TPX2: variants seen among roughly 807,000 people sequenced by gnomAD.
TPX2 encodes TPX2 microtubule nucleation factor.
TPX2 carries 21 observed loss-of-function variants against 93.6 expected under a neutral mutation model. That is an observed-to-expected ratio of 0.22 (90% CI 0.16 to 0.32). TPX2 has a LOEUF of 0.32. Among genes scored for constraint, TPX2 ranks in the 10% least tolerant of loss-of-function variants. TPX2 has a pLI of 1.00. For synonymous variants in TPX2, 281 were observed against 298.3 expected, an observed-to-expected ratio of 0.94 and a Z score of 0.60; for missense variants, 776 against 871.1, an observed-to-expected ratio of 0.89 and a Z score of 1.37.
At chr20:31,751,881 T>TA (rs2061822361) in intron 2 of TPX2, among the ~76,000 whole-genome samples, 2 of 152,158 alleles carry the variant, frequency 1.3e-5, no homozygotes, top group Non-Finnish European at 2.9e-5. Context: ...TAGCTGGGAT[T>TA]ACAGGCACCT....
chr20:31,794,071 C>A, intron 14 of TPX2, 47 bp downstream of exon 14: 1 of 1,514,792 alleles, frequency 6.6e-7, no homozygotes, highest in Non-Finnish European at 8.9e-7. Context: ...TTCTTTGATC[C>A]CTCAAAGACA....
chr20:31,791,664 G>C (rs914934395), intron 12 of TPX2, among the ~76,000 whole-genome samples: 3 of 152,200 alleles, frequency 2.0e-5, no homozygotes, highest in Admixed American at 6.5e-5. Context: ...CAATGAATTG[G>C]AGGAATGAGT....
In TPX2 at chr20:31,777,553, A is replaced by C. The variant is rs1243753554; in HGVS notation, c.797A>C (p.Glu266Ala). ...KSVDFHFRTDERIKQHPKNQE... is the reference protein window; with the variant it reads ...KSVDFHFRTDARIKQHPKNQE... ...GTTGACTTCCACTTCCGCACAGATGAGCGAATCAAACAACATCCTAAGAAC... is the reference window on the plus strand; with the variant it reads ...GTTGACTTCCACTTCCGCACAGATGCGCGAATCAAACAACATCCTAAGAAC... Residue 266 changes from glutamate (E) to alanine (A), a missense_variant, in exon 9 of 18, where the codon GAG becomes GCG. Coordinates refer to ENST00000300403, the MANE Select transcript of TPX2 (RefSeq NM_012112.5). The C allele has an allele frequency of 6.2e-7, 1 of 1,614,094 alleles. No individual in the cohort carries two copies. The highest frequency in any genetic ancestry group is 8.5e-7 in the Non-Finnish European group (1 of 1,180,042).
chr20:31,758,749 G>A (rs529148209), intron 3 of TPX2, among the ~76,000 whole-genome samples: 11 of 152,246 alleles, frequency 7.2e-5, no homozygotes, highest in South Asian at 4.1e-4. Context: ...GAGAGGAGTC[G>A]TCTGTTGGAA....
At chr20:31,771,449 G>C (rs1031125149) in intron 6 of TPX2, 111 bp from the exon 7 acceptor site, 1 of 1,355,520 alleles carries the variant, frequency 7.4e-7, no homozygotes, top group African/African-American at 1.5e-5. Context: ...AAGCATGCTT[G>C]TTATCCTATA....
At chr20:31,797,271 A>C in intron 15 of TPX2, 133 bp from the exon 16 acceptor site, 1 of 759,104 alleles carries the variant, frequency 1.3e-6, no homozygotes, top group Non-Finnish European at 2.1e-6. Flanking sequence ...TGTGTGAAAG[A>C]TTTTTACTAG....
intron 2 of TPX2, among the ~76,000 whole-genome samples, chr20:31,746,793 A>G (rs2061785697): frequency 6.6e-6 from 1 of 152,130 alleles, no homozygotes; most frequent in Non-Finnish European, 1.5e-5. Flanking sequence ...ATGGGAGGCA[A>G]TGGGAGGTTA....
At chr20:31,767,139 T>G (rs1016723611) in intron 5 of TPX2, among the ~76,000 whole-genome samples, 1 of 151,968 alleles carries the variant, frequency 6.6e-6, no homozygotes, top group Admixed American at 6.6e-5. Context: ...TGGGTTTGTG[T>G]GGTTGGTATA....
rs1486302090 is a variant in TPX2 at position 31,785,730 on chromosome 20, T to C, written c.1413+1809T>C. Among the ~76,000 whole-genome samples the C allele has an allele frequency of 2.0e-5, 3 of 152,322 alleles. No homozygotes were observed. In the East Asian group the frequency reaches 5.8e-4, roughly 29 times the overall value. ...CCCGGCTGGTCTCGAACTCCTGACC[T>C]CAGGTGATCCACCCGCCTTGGCCTC... On this transcript the variant is annotated intron_variant, in intron 12 of 17. Coordinates refer to ENST00000300403, the MANE Select transcript of TPX2 (RefSeq NM_012112.5).
intron 15 of TPX2, among the ~76,000 whole-genome samples, chr20:31,796,182 C>T (rs1009981254): frequency 6.6e-6 from 1 of 152,206 alleles, no homozygotes; most frequent in African/African-American, 2.4e-5. Context: ...AATGAATTTT[C>T]ATGAACCCAT....
At chr20:31,741,624 G>A (rs1050972789) in intron 1 of TPX2, among the ~76,000 whole-genome samples, 4 of 151,346 alleles carry the variant, frequency 2.6e-5, no homozygotes, top group Non-Finnish European at 5.9e-5. Context: ...GACTACAGGC[G>A]CATGCCACCA....
intron 8 of TPX2, among the ~76,000 whole-genome samples, 154 bp downstream of exon 8, chr20:31,776,142 G>A (rs1466299043): frequency 7.9e-5 from 11 of 138,384 alleles, no homozygotes; most frequent in Non-Finnish European, 1.4e-4. Flanking sequence ...CTGCAGTGGC[G>A]CAATCTCGGC....
chr20:31,796,081 T>C (rs1211626495), intron 15 of TPX2, among the ~76,000 whole-genome samples: 1 of 152,200 alleles, frequency 6.6e-6, no homozygotes. Flanking sequence ...AGACACAGAA[T>C]GTCTGTGTAG....
chr20:31,772,202 G>T (rs1274701644), intron 7 of TPX2, among the ~76,000 whole-genome samples: 1 of 152,010 alleles, frequency 6.6e-6, no homozygotes, highest in Non-Finnish European at 1.5e-5. Context: ...TGTATTTTTA[G>T]TAGAGATGGG....
At chr20:31,746,955 A>G (rs567145832) in intron 2 of TPX2, among the ~76,000 whole-genome samples, 6 of 152,318 alleles carry the variant, frequency 3.9e-5, no homozygotes, top group Non-Finnish European at 7.4e-5. Flanking sequence ...GTATCTTTTA[A>G]GTATTTTTTA....
At chr20:31,778,711 C>A in intron 9 of TPX2, 102 bp from the exon 10 acceptor site, 1 of 1,103,836 alleles carries the variant, frequency 9.1e-7, no homozygotes, top group Non-Finnish European at 1.3e-6. Context: ...CTTGGTTTTA[C>A]ACAGGCCTTT....
At chr20:31,752,042 CT>C (rs2061823487) in intron 2 of TPX2, among the ~76,000 whole-genome samples, 1 of 152,112 alleles carries the variant, frequency 6.6e-6, no homozygotes. Flanking sequence ...CGTGCCTGGC[CT>C]ATTTTTTTTT....
chr20:31,799,386 CTG>C (rs909913995), intron 17 of TPX2, among the ~76,000 whole-genome samples: 2 of 152,172 alleles, frequency 1.3e-5, no homozygotes, highest in Non-Finnish European at 2.9e-5. Flanking sequence ...AACAAGGTGA[CTG>C]TAGTTAATGA....
chr20:31,753,571 A>G (rs2061832988), intron 2 of TPX2, among the ~76,000 whole-genome samples: 1 of 151,902 alleles, frequency 6.6e-6, no homozygotes, highest in Non-Finnish European at 1.5e-5. Context: ...TTTCCTCCCA[A>G]TTCTAAAATA....
Sources: allele counts gnomAD v4.1 joint callset (sites outside exome capture counted in the v4.1 genomes callset), GRCh38; gene constraint gnomAD v4.1.1; transcripts MANE v1.5; gene names NCBI Gene and HGNC (gene_info 2026-07-23, HGNC 2026-07-21).